KLHL1: variants seen among roughly 807,000 people sequenced by gnomAD.
The protein encoded by KLHL1 is kelch-like protein 1.
A neutral mutation model predicts 77.7 loss-of-function variants in KLHL1; 47 were observed. The observed-to-expected ratio is 0.60, with a 90% CI of 0.48 to 0.77. The LOEUF (loss-of-function observed/expected upper bound fraction) is 0.77. KLHL1 is among the 30% of genes least tolerant of loss of function. The probability of loss-of-function intolerance (pLI) is 0.00; values close to 1 mark genes in which losing one functional copy is unlikely to be tolerated. For missense variants in KLHL1, 925 were observed against 910.8 expected, an observed-to-expected ratio of 1.02 and a Z score of -0.20; for synonymous variants, 360 against 325.2, an observed-to-expected ratio of 1.11 and a Z score of -1.15.
chr13:70,040,314 G>A (rs536299826), intron 1 of KLHL1, among the ~76,000 whole-genome samples: 1 of 152,276 alleles, frequency 6.6e-6, no homozygotes, highest in East Asian at 1.9e-4. Flanking sequence ...AGAAAGAAGA[G>A]AGGGAGTGGG....
intron 2 of KLHL1, among the ~76,000 whole-genome samples, chr13:69,961,766 CT>C (rs1884071811): frequency 6.6e-6 from 1 of 151,548 alleles, no homozygotes; most frequent in Non-Finnish European, 1.5e-5. Flanking sequence ...ACTTTCCCCC[CT>C]AAACTATCGT....
At chr13:70,080,846 C>G (rs1212003864) in intron 1 of KLHL1, among the ~76,000 whole-genome samples, 1 of 152,168 alleles carries the variant, frequency 6.6e-6, no homozygotes, top group Non-Finnish European at 1.5e-5. Context: ...AGCAATCCTC[C>G]TGCCTCAGCC....
chr13:70,011,853 C>A (rs1177141110), intron 1 of KLHL1, among the ~76,000 whole-genome samples: 1 of 152,100 alleles, frequency 6.6e-6, no homozygotes, highest in Non-Finnish European at 1.5e-5. Flanking sequence ...AAAGACATAC[C>A]TAAGACTGAG....
intron 7 of KLHL1, among the ~76,000 whole-genome samples, chr13:69,789,748 T>A (rs1876771845): frequency 6.6e-6 from 1 of 152,200 alleles, no homozygotes; most frequent in Admixed American, 6.5e-5. Context: ...TTCTCCTTCC[T>A]CACCTTGAAA....
intron 1 of KLHL1, among the ~76,000 whole-genome samples, chr13:70,031,949 T>A (rs1886112027): frequency 6.6e-6 from 1 of 152,034 alleles, no homozygotes; most frequent in African/African-American, 2.4e-5. Context: ...GAGAGAAAGA[T>A]GTGTAGAGAA....
chr13:69,939,711 G>A (rs776783115), intron 4 of KLHL1, among the ~76,000 whole-genome samples: 1 of 151,992 alleles, frequency 6.6e-6, no homozygotes, highest in Non-Finnish European at 1.5e-5. Context: ...ATGTGCCCAG[G>A]GAGGGCCTGG....
At chr13:70,063,527 A>G (rs1179870045) in intron 1 of KLHL1, among the ~76,000 whole-genome samples, 1 of 152,114 alleles carries the variant, frequency 6.6e-6, no homozygotes, top group East Asian at 1.9e-4. Context: ...TAAAATTATA[A>G]TCTAACACAC....
At chr13:70,074,757 T>A (rs1416515909) in intron 1 of KLHL1, among the ~76,000 whole-genome samples, 2 of 137,618 alleles carry the variant, frequency 1.5e-5, no homozygotes, top group African/African-American at 5.4e-5. Context: ...AAAAAAAAAA[T>A]TATGCTGTTG....
At chr13:69,879,677 A>G (rs1880909988) in intron 5 of KLHL1, among the ~76,000 whole-genome samples, 1 of 152,160 alleles carries the variant, frequency 6.6e-6, no homozygotes, top group Admixed American at 6.5e-5. Context: ...CCTTTATTCA[A>G]TTAAACTTTT....
At chr13:69,825,366 T>A (rs1878504666) in intron 6 of KLHL1, among the ~76,000 whole-genome samples, 1 of 151,984 alleles carries the variant, frequency 6.6e-6, no homozygotes, top group Admixed American at 6.6e-5. Context: ...AGTGGTAAAA[T>A]ATGATAAAGT....
At chr13:69,854,509 G>A (rs1025108714) in intron 5 of KLHL1, among the ~76,000 whole-genome samples, 2 of 152,014 alleles carry the variant, frequency 1.3e-5, no homozygotes, top group East Asian at 1.9e-4. Context: ...GAAGTTTGGA[G>A]AGGCCAAATA....
In KLHL1 at chr13:69,746,520, G is replaced by T. The variant is rs551554674; in HGVS notation, c.1640-5964C>A. The stretch of plus-strand genomic sequence containing the variant: ...TTACAATGTGCTAATCTTTGACTTT[G>T]GTTATTTAATCTATTTATACTCAAT... On this transcript the variant is annotated intron_variant, in intron 7 of 10. Transcript: ENST00000377844. Among the ~76,000 whole-genome samples the T allele has an allele frequency of 1.6e-4, 24 of 151,760 alleles. No homozygotes were observed. The East Asian group carries it at 4.7e-3, about 29-fold the overall frequency.
chr13:69,849,133 C>T (rs1032598494), intron 5 of KLHL1, among the ~76,000 whole-genome samples: 1 of 151,356 alleles, frequency 6.6e-6, no homozygotes, highest in Non-Finnish European at 1.5e-5. Flanking sequence ...TTAGTCAGTG[C>T]TTATTTTGTC....
chr13:69,834,096 G>C (rs57115450), intron 6 of KLHL1, among the ~76,000 whole-genome samples: 11,379 of 151,850 alleles, frequency 0.075, 767 homozygotes, highest in African/African-American at 0.18. Context: ...AGGGATGAAA[G>C]AGTGGAGGTT....
chr13:69,891,750 A>T (rs952351233), intron 4 of KLHL1, among the ~76,000 whole-genome samples: 1 of 152,044 alleles, frequency 6.6e-6, no homozygotes, highest in Non-Finnish European at 1.5e-5. Context: ...TATGCAAAAC[A>T]TTTGCAATTA....
chr13:69,779,524 C>T (rs1185601146), intron 7 of KLHL1, among the ~76,000 whole-genome samples: 2 of 150,652 alleles, frequency 1.3e-5, no homozygotes, highest in Admixed American at 1.3e-4. Context: ...CTTTTCTTTC[C>T]CTCTTTTTTT....
intron 1 of KLHL1, among the ~76,000 whole-genome samples, chr13:70,097,116 A>G (rs1267322555): frequency 1.3e-5 from 2 of 152,050 alleles, no homozygotes; most frequent in African/African-American, 2.4e-5. Context: ...AGCATACATT[A>G]TGGGACTTTG....
intron 6 of KLHL1, among the ~76,000 whole-genome samples, chr13:69,802,685 C>T (rs186922857): frequency 3.9e-4 from 59 of 151,726 alleles, no homozygotes; most frequent in Non-Finnish European, 7.5e-4. Flanking sequence ...CCCCCAGTCC[C>T]GTACCCCCTG....
At chr13:69,823,833 T>A (rs114742107) in intron 6 of KLHL1, among the ~76,000 whole-genome samples, 2,197 of 152,010 alleles carry the variant, frequency 0.014, 52 homozygotes, top group African/African-American at 0.049. Flanking sequence ...TCTCTCTCTC[T>A]TATGGTTGGA....
Sources: gnomAD v4.1 joint callset for allele counts (sites outside exome capture counted in the v4.1 genomes callset) on GRCh38, gnomAD v4.1.1 for gene constraint, MANE v1.5 for transcripts, NCBI Gene and HGNC (gene_info 2026-07-23, HGNC 2026-07-21) for gene names.